The following SPATA31H1 variants were observed in gnomAD, a reference collection of about 807,000 sequenced individuals.
SPATA31H1 encodes SPATA31 subfamily H member 1, also known as spermatogenesis-associated protein 31H1.
At chr2:27,538,192 C>T in the SPATA31H1 span, among the ~76,000 whole-genome samples, 1 of 152,154 alleles carries the variant, frequency 6.6e-6, no homozygotes, top group Non-Finnish European at 1.5e-5. Context: ...ATAAATACAA[C>T]TCTGTGCAGT....
At chr2:27,581,424 C>T in the SPATA31H1 span, 1 of 1,613,554 alleles carries the variant, frequency 6.2e-7, no homozygotes, top group South Asian at 1.1e-5. Flanking sequence ...CTGCAGTCCC[C>T]CCGAGAGGAG....
the SPATA31H1 span, chr2:27,577,692 A>G: frequency 6.2e-7 from 1 of 1,614,016 alleles, no homozygotes; most frequent in Non-Finnish European, 8.5e-7. This position sits in a 1 kb window ranked among gnomAD's most constrained non-coding sequence, Gnocchi z 4.5. Context: ...GCAGGTAGAG[A>G]AAACTTTGCA....
At chr2:27,559,440 C>T in the SPATA31H1 span, among the ~76,000 whole-genome samples, 1 of 152,198 alleles carries the variant, frequency 6.6e-6, no homozygotes, top group Non-Finnish European at 1.5e-5. Context: ...CTTCCTTTTT[C>T]TCTAGGATCT....
the SPATA31H1 span, among the ~76,000 whole-genome samples, chr2:27,538,708 G>A: frequency 6.6e-6 from 1 of 152,076 alleles, no homozygotes; most frequent in African/African-American, 2.4e-5. Context: ...GCGTGCACCT[G>A]TAGTCTTAGC....
the SPATA31H1 span, chr2:27,566,857 C>T: frequency 1.4e-6 from 1 of 717,602 alleles, no homozygotes; most frequent in Non-Finnish European, 2.6e-6. Context: ...GCAAAACATT[C>T]TACTGACCAC....
the SPATA31H1 span, among the ~76,000 whole-genome samples, chr2:27,564,334 ACACTT>A: frequency 6.6e-6 from 1 of 152,122 alleles, no homozygotes; most frequent in South Asian, 2.1e-4. Flanking sequence ...TTCCAAATAC[ACACTT>A]CACATGGGCC....
the SPATA31H1 span, chr2:27,566,528 G>T: frequency 1.6e-6 from 1 of 620,446 alleles, no homozygotes. Context: ...CAAACTGGTG[G>T]AAGGATCATT....
At chr2:27,563,060 CT>C in the SPATA31H1 span, among the ~76,000 whole-genome samples, 6 of 151,804 alleles carry the variant, frequency 4.0e-5, no homozygotes, top group African/African-American at 1.5e-4. Context: ...TATCTTGATA[CT>C]TTTATAATTT....
the SPATA31H1 span, chr2:27,577,719 C>G: frequency 1.9e-6 from 3 of 1,614,120 alleles, no homozygotes; most frequent in African/African-American, 4.0e-5. The surrounding 1 kb of genome is among the most constrained non-coding windows in gnomAD (Gnocchi z 4.5). Flanking sequence ...CCCCAAACCA[C>G]AGCATCATGT....
At chr2:27,569,601 G>A in the SPATA31H1 span, 2 of 398,572 alleles carry the variant, frequency 5.0e-6, no homozygotes, top group Non-Finnish European at 8.8e-6. Flanking sequence ...ACAGCTCCAG[G>A]GAGAAAAGTC....
chr2:27,555,004 G>T, the SPATA31H1 span, among the ~76,000 whole-genome samples: 693 of 152,050 alleles, frequency 4.6e-3, 16 homozygotes, highest in African/African-American at 0.016. Context: ...ATGAATTTTG[G>T]GGGGGACATA....
the SPATA31H1 span, chr2:27,578,627 G>A: frequency 6.2e-7 from 1 of 1,614,112 alleles, no homozygotes; most frequent in South Asian, 1.1e-5. Flanking sequence ...TTCAGGCTGT[G>A]AAATCTACAG....
At chr2:27,555,692 A>T in the SPATA31H1 span, among the ~76,000 whole-genome samples, 1 of 151,928 alleles carries the variant, frequency 6.6e-6, no homozygotes, top group Non-Finnish European at 1.5e-5. Context: ...AAGGAAAAAA[A>T]ATATCTAGGT....
chr2:27,574,267 T>C, the SPATA31H1 span: 2 of 398,550 alleles, frequency 5.0e-6, no homozygotes, highest in Non-Finnish European at 8.8e-6. Flanking sequence ...ATTAAATCTA[T>C]GGATTTCAGT....
At chr2:27,551,378 G>C in the SPATA31H1 span, among the ~76,000 whole-genome samples, 1 of 151,982 alleles carries the variant, frequency 6.6e-6, no homozygotes. Context: ...CGTTATATGA[G>C]AGACACCCCT....
the SPATA31H1 span, among the ~76,000 whole-genome samples, chr2:27,549,287 G>A: frequency 2.6e-5 from 4 of 151,672 alleles, no homozygotes; most frequent in East Asian, 7.7e-4. Flanking sequence ...TCATCAAGAG[G>A]CACATAATGT....
the SPATA31H1 span, among the ~76,000 whole-genome samples, chr2:27,554,624 A>C: frequency 6.6e-6 from 1 of 151,966 alleles, no homozygotes; most frequent in Non-Finnish European, 1.5e-5. Context: ...CCAAGTCTGG[A>C]GTGCAGTGGC....
At chr2:27,549,187 A>G in the SPATA31H1 span, among the ~76,000 whole-genome samples, 1 of 150,606 alleles carries the variant, frequency 6.6e-6, no homozygotes, top group Admixed American at 6.6e-5. Flanking sequence ...TATGTCCTGT[A>G]TGTTTTGTAA....
At chr2:27,577,687 TAGAGA>T in the SPATA31H1 span, 24 of 1,613,914 alleles carry the variant, frequency 1.5e-5, no homozygotes, top group Non-Finnish European at 1.9e-5. The surrounding 1 kb of genome is among the most constrained non-coding windows in gnomAD (Gnocchi z 4.5). Context: ...GGAGTGCAGG[TAGAGA>T]AAACTTTGCA....
Sources: allele counts gnomAD v4.1 joint callset (sites outside exome capture counted in the v4.1 genomes callset), GRCh38; gene constraint gnomAD v4.1.1; non-coding constraint Gnocchi (gnomAD v3.1); transcripts MANE v1.5; gene names NCBI Gene and HGNC (gene_info 2026-07-23, HGNC 2026-07-21).